PPP2R5C: variants seen among roughly 807,000 people sequenced by gnomAD.
The protein encoded by PPP2R5C is serine/threonine-protein phosphatase 2A 56 kDa regulatory subunit gamma isoform.
In PPP2R5C, 7 loss-of-function variants were observed where a neutral mutation model predicts 68.9. The observed-to-expected ratio is 0.10, with a 90% CI of 0.06 to 0.19. The LOEUF is 0.19. Ranked by LOEUF, PPP2R5C falls within the 10% of genes least tolerant of loss-of-function variation. The pLI, the probability that PPP2R5C is intolerant of heterozygous loss-of-function variation, is 1.00. For synonymous variants in PPP2R5C, 210 were observed against 222.2 expected (o/e 0.95, Z 0.49); for missense variants, 348 against 641.3 (o/e 0.54, Z 4.94).
chr14:101,819,325 G>T (rs1383029315), intron 1 of PPP2R5C: 1 of 438,572 alleles, frequency 2.3e-6, no homozygotes, highest in African/African-American at 1.9e-5. Context: ...TTTCCAGGGG[G>T]TTTGCAAGGC....
chr14:101,782,071 C>T (rs1262603863), intron 2 of PPP2R5C, among the ~76,000 whole-genome samples: 1 of 125,514 alleles, frequency 8.0e-6, no homozygotes, highest in African/African-American at 3.0e-5. Flanking sequence ...TCTCCCTCTC[C>T]CACTCCCTCT....
At chr14:101,821,444 G>GTGTGT (rs1555386174) in intron 1 of PPP2R5C, among the ~76,000 whole-genome samples, 2 of 130,060 alleles carry the variant, frequency 1.5e-5, no homozygotes, top group African/African-American at 5.5e-5. Context: ...GTGGGGGGTG[G>GTGTGT]GTGGGTGGGT....
At chr14:101,918,237 A>G (rs1185058479) in intron 13 of PPP2R5C, among the ~76,000 whole-genome samples, 4 of 129,074 alleles carry the variant, frequency 3.1e-5, no homozygotes, top group South Asian at 2.4e-4. Context: ...CAAAATCGAA[A>G]GCTTCACAGC....
Position 101,891,363 on chromosome 14 carries a change from A to G in PPP2R5C, c.689+1067A>G, listed in dbSNP as rs1275278585. On this transcript the variant is annotated intron_variant, in intron 6 of 13. Transcript: ENST00000334743. The surrounding 1 kb of genome is among the most constrained non-coding windows in gnomAD (Gnocchi z 4.9). ...AGAAAAGCTATTCTTGCCACTTTAGATGTAATTTGAAAAAATGTCCTCGCT... is the reference window on the plus strand; with the variant it reads ...AGAAAAGCTATTCTTGCCACTTTAGGTGTAATTTGAAAAAATGTCCTCGCT... Among the ~76,000 whole-genome samples the G allele has an allele frequency of 6.6e-6, 1 of 151,976 alleles. No individual in the cohort carries two copies. The highest frequency in any genetic ancestry group is 1.5e-5 in the Non-Finnish European group (1 of 68,004).
intron 2 of PPP2R5C, among the ~76,000 whole-genome samples, chr14:101,780,190 CA>C (rs1394898129): frequency 6.6e-6 from 1 of 152,172 alleles, no homozygotes; most frequent in Non-Finnish European, 1.5e-5. Flanking sequence ...ATATTAACTG[CA>C]ATTCCTTACT....
At chr14:101,910,403 G>T (rs1273550051) in intron 11 of PPP2R5C, among the ~76,000 whole-genome samples, 1 of 75,988 alleles carries the variant, frequency 1.3e-5, no homozygotes, top group African/African-American at 1.6e-4. Context: ...GTGTATCTAT[G>T]TGTGTGTGTG....
At chr14:101,873,744 T>C (rs1051964073) in intron 2 of PPP2R5C, among the ~76,000 whole-genome samples, 2 of 152,234 alleles carry the variant, frequency 1.3e-5, no homozygotes, top group African/African-American at 4.8e-5. Context: ...TGTGGAACTC[T>C]GCCTTGCAAA....
At chr14:101,765,204 C>T (rs994733140) in intron 2 of PPP2R5C, 21 of 702,668 alleles carry the variant, frequency 3.0e-5, no homozygotes, top group Middle Eastern at 2.3e-4. Flanking sequence ...CCACTGAAAA[C>T]ACTGAAATGT....
chr14:101,766,230 T>C (rs1318317772), intron 2 of PPP2R5C: 1 of 152,216 alleles, frequency 6.6e-6, no homozygotes, highest in Non-Finnish European at 1.5e-5. Flanking sequence ...AGGGGACATT[T>C]GATGGTTTGG....
At chr14:101,853,683 C>T (rs1348094861) in intron 1 of PPP2R5C, among the ~76,000 whole-genome samples, 5 of 152,132 alleles carry the variant, frequency 3.3e-5, no homozygotes, top group African/African-American at 4.8e-5. Context: ...CCCTCGTGTC[C>T]GTATCTGCCA....
rs1209431788 is a variant in PPP2R5C at position 101,816,900 on chromosome 14, AT to A, written c.94+6865del. ...TATATATTATATATATATTATATAA[AT>A]ATATATATAATATATATATTTATAT... On this transcript the variant is annotated intron_variant, in intron 1 of 13. Coordinates refer to ENST00000334743, the Ensembl canonical transcript of PPP2R5C. Among the ~76,000 whole-genome samples the A allele has an allele frequency of 1.4e-4, 18 of 125,312 alleles. No homozygotes were observed. The East Asian group carries it at 1.7e-3, about 12-fold the overall frequency. 82.2% of individuals were successfully genotyped at this position (125,312 alleles called of 152,430 possible).
upstream of PPP2R5C, among the ~76,000 whole-genome samples, chr14:101,808,917 C>T (rs534835780): frequency 6.6e-6 from 1 of 152,302 alleles, no homozygotes; most frequent in South Asian, 2.1e-4. Context: ...TCCTGCAATA[C>T]TCCATCCAAT....
chr14:101,779,874 T>G (rs897769986), intron 2 of PPP2R5C, among the ~76,000 whole-genome samples: 1 of 152,156 alleles, frequency 6.6e-6, no homozygotes, highest in South Asian at 2.1e-4. Context: ...GTGTTCTGAT[T>G]GTCTGGTCTA....
chr14:101,808,114 T>C (rs1298388358), upstream of PPP2R5C, among the ~76,000 whole-genome samples: 1 of 150,680 alleles, frequency 6.6e-6, no homozygotes, highest in Non-Finnish European at 1.5e-5. Flanking sequence ...AGGAGGAGGC[T>C]GGGGTGTGGG....
chr14:101,784,900 G>T (rs2038018181), intron 2 of PPP2R5C, among the ~76,000 whole-genome samples: 1 of 152,058 alleles, frequency 6.6e-6, no homozygotes, highest in Admixed American at 6.5e-5. Flanking sequence ...CCTTCAGCTG[G>T]GGGGCCCAGA....
intron 1 of PPP2R5C, among the ~76,000 whole-genome samples, chr14:101,830,974 T>G (rs1362255123): frequency 1.3e-5 from 2 of 152,214 alleles, no homozygotes; most frequent in Non-Finnish European, 2.9e-5. Context: ...TGTAAGTTTC[T>G]TCATTCAGCA....
At chr14:101,791,175 G>T (rs984289620) in intron 3 of PPP2R5C, among the ~76,000 whole-genome samples, 1 of 152,178 alleles carries the variant, frequency 6.6e-6, no homozygotes, top group African/African-American at 2.4e-5. Flanking sequence ...ATGTATGAGG[G>T]CTCTGATGTG....
At chr14:101,787,729 T>G (rs955835310) in intron 3 of PPP2R5C, among the ~76,000 whole-genome samples, 1 of 139,732 alleles carries the variant, frequency 7.2e-6, no homozygotes, top group Non-Finnish European at 1.5e-5. Context: ...ATCGTGCCAC[T>G]GCACTCCAGC....
At chr14:101,808,128 G>A (rs563990692), upstream of PPP2R5C, among the ~76,000 whole-genome samples, 3 of 151,532 alleles carry the variant, frequency 2.0e-5, no homozygotes, top group African/African-American at 7.3e-5. Flanking sequence ...GTGTGGGGCA[G>A]TGAGAGTCAT....
Sources: allele counts gnomAD v4.1 joint callset (sites outside exome capture counted in the v4.1 genomes callset), GRCh38; gene constraint gnomAD v4.1.1; non-coding constraint Gnocchi (gnomAD v3.1); transcripts MANE v1.5; gene names NCBI Gene and HGNC (gene_info 2026-07-23, HGNC 2026-07-21).